Variants in SDK1 observed in about 807,000 individuals in gnomAD.
SDK1 encodes protein sidekick-1.
Under a neutral mutation model 245.5 loss-of-function variants are expected in SDK1, and 157 were observed. That is an observed-to-expected ratio of 0.64 (90% CI 0.56 to 0.73). The LOEUF is 0.73. Ranked by LOEUF, SDK1 falls within the 30% of genes least tolerant of loss-of-function variation. The pLI, the probability that SDK1 is intolerant of heterozygous loss-of-function variation, is 0.00. For synonymous variants in SDK1, 1,647 were observed against 1,278.5 expected (o/e 1.29, Z -6.15); for missense variants, 3,583 against 3,002.3 (o/e 1.19, Z -4.52).
intron 4 of SDK1, among the ~76,000 whole-genome samples, chr7:3,697,565 C>T (rs1784611115): frequency 6.6e-6 from 1 of 152,176 alleles, no homozygotes; most frequent in Non-Finnish European, 1.5e-5. Context: ...TTTTGTCTCA[C>T]TGTCTTCTTA....
chr7:4,204,414 G>A (rs1784075146), intron 35 of SDK1, among the ~76,000 whole-genome samples: 2 of 152,188 alleles, frequency 1.3e-5, no homozygotes, highest in Non-Finnish European at 2.9e-5. Context: ...TAACGGCAGG[G>A]TGGGCAGTGA....
chr7:3,642,298 T>A (rs1418289034), intron 4 of SDK1, among the ~76,000 whole-genome samples, 193 bp downstream of exon 4: 1 of 152,210 alleles, frequency 6.6e-6, no homozygotes, highest in African/African-American at 2.4e-5. Context: ...TTTAAGCAAA[T>A]AACTGTCTAA....
chr7:3,733,300 C>G (rs1232342251), intron 4 of SDK1, among the ~76,000 whole-genome samples: 1 of 152,176 alleles, frequency 6.6e-6, no homozygotes, highest in Admixed American at 6.5e-5. Context: ...GAAACAGATA[C>G]TATAATTGGG....
At chr7:3,762,326 C>G (rs1317248754) in intron 4 of SDK1, among the ~76,000 whole-genome samples, 2 of 152,196 alleles carry the variant, frequency 1.3e-5, no homozygotes, top group African/African-American at 4.8e-5. Context: ...AAACAGACTG[C>G]ACCTGCTGCA....
intron 5 of SDK1, among the ~76,000 whole-genome samples, chr7:3,900,937 C>T (rs1425750910): frequency 8.6e-5 from 13 of 151,724 alleles, no homozygotes; most frequent in Admixed American, 8.5e-4. Flanking sequence ...TTCAAATGTG[C>T]CTAATTGTAG....
chr7:4,178,164 C>T (rs151246073), intron 34 of SDK1, among the ~76,000 whole-genome samples: 143 of 152,328 alleles, frequency 9.4e-4, no homozygotes, highest in African/African-American at 3.3e-3. Context: ...TGGTTCCTAA[C>T]AGGCTATGGC....
intron 19 of SDK1, among the ~76,000 whole-genome samples, chr7:4,060,980 T>C (rs1056657009): frequency 9.2e-5 from 14 of 152,308 alleles, no homozygotes; most frequent in Admixed American, 6.5e-4. Flanking sequence ...CAGAGGGCTC[T>C]GTTCTGTTCC....
At chr7:3,393,348 T>C (rs1365110773) in intron 1 of SDK1, among the ~76,000 whole-genome samples, 1 of 152,168 alleles carries the variant, frequency 6.6e-6, no homozygotes, top group Non-Finnish European at 1.5e-5. Flanking sequence ...TTTAGCTTTA[T>C]GAGGAAATGC....
At chr7:4,113,503 A>C in intron 24 of SDK1, 64 bp downstream of exon 24, 1 of 1,559,200 alleles carries the variant, frequency 6.4e-7, no homozygotes, top group Non-Finnish European at 8.7e-7. Context: ...GGCACACACT[A>C]ATCCAGGGCT....
At chr7:4,220,310 T>C (rs1406856236) in intron 39 of SDK1, 40 bp downstream of exon 39, 1 of 1,592,030 alleles carries the variant, frequency 6.3e-7, no homozygotes, top group Admixed American at 1.7e-5. Flanking sequence ...CAATTGCAAC[T>C]TTAGCCTCCC....
intron 1 of SDK1, among the ~76,000 whole-genome samples, chr7:3,572,400 C>G (rs776637038): frequency 4.6e-5 from 7 of 151,960 alleles, no homozygotes; most frequent in African/African-American, 1.7e-4. Context: ...GTATGGAGAT[C>G]ATATTCACAG....
intron 22 of SDK1, among the ~76,000 whole-genome samples, chr7:4,081,089 G>A (rs1781026800): frequency 6.6e-6 from 1 of 152,194 alleles, no homozygotes; most frequent in African/African-American, 2.4e-5. Context: ...ATGCCGCATA[G>A]CTGAGGCCAG....
intron 4 of SDK1, among the ~76,000 whole-genome samples, chr7:3,665,361 A>C (rs899181020): frequency 6.6e-5 from 10 of 152,236 alleles, no homozygotes; most frequent in African/African-American, 2.2e-4. Context: ...AACTTGCATG[A>C]ATCTACATAT....
intron 1 of SDK1, among the ~76,000 whole-genome samples, chr7:3,311,774 C>G (rs1050179263): frequency 1.3e-5 from 2 of 152,126 alleles, no homozygotes; most frequent in Admixed American, 6.5e-5. Flanking sequence ...ATAACAAGAA[C>G]AAACAAGCGT....
At position 3,301,945 on chromosome 7, in the gene SDK1, G is replaced by A. The variant is rs1034013941; in HGVS notation, c.298+61G>A. The A allele has an allele frequency of 2.1e-5, 22 of 1,065,414 alleles. No individual in the cohort carries two copies. The African/African-American group carries it at 3.0e-4, about 15-fold the overall frequency. The allele number at this position is 1,065,414 out of a possible 1,614,324, so 66.0% of individuals were successfully genotyped here. A position where few individuals can be genotyped will look rare whatever the true frequency, so the allele number is the denominator to read the frequency against. On this transcript the variant is annotated intron_variant, in intron 1 of 44. Coordinates refer to ENST00000404826, the MANE Select transcript of SDK1 (RefSeq NM_152744.4). The stretch of plus-strand genomic sequence containing the variant: ...CCTCGGGGCGCGGAGGCGCGAACTT[G>A]AGCAGCGAGAGTGTGTCCGGGGTCC...
chr7:3,869,526 G>A (rs1010495643), intron 5 of SDK1, among the ~76,000 whole-genome samples: 1 of 152,110 alleles, frequency 6.6e-6, no homozygotes, highest in Non-Finnish European at 1.5e-5. Context: ...GCTGGGCTTC[G>A]GGGTCAGCTC....
At chr7:4,066,669 G>C (rs1404285777) in intron 19 of SDK1, among the ~76,000 whole-genome samples, 2 of 152,206 alleles carry the variant, frequency 1.3e-5, no homozygotes, top group Non-Finnish European at 2.9e-5. Flanking sequence ...GGCTGGCCCT[G>C]ATGGGACCGA....
chr7:4,083,451 G>C (rs915248190), intron 22 of SDK1, among the ~76,000 whole-genome samples: 1 of 151,248 alleles, frequency 6.6e-6, no homozygotes, highest in African/African-American at 2.4e-5. Context: ...GGGGTCACTT[G>C]ACCTGTTCCT....
intron 32 of SDK1, among the ~76,000 whole-genome samples, chr7:4,166,624 C>G (rs1474558421): frequency 6.6e-6 from 1 of 152,230 alleles, no homozygotes; most frequent in Non-Finnish European, 1.5e-5. Context: ...GAGAGAATCC[C>G]TGTTCTACTC....
Sources: gnomAD v4.1 joint callset for allele counts (sites outside exome capture counted in the v4.1 genomes callset) on GRCh38, gnomAD v4.1.1 for gene constraint, MANE v1.5 for transcripts, NCBI Gene and HGNC (gene_info 2026-07-23, HGNC 2026-07-21) for gene names.